ANO6: variants seen among roughly 807,000 people sequenced by gnomAD.
The protein encoded by ANO6 is anoctamin 6.
ANO6 carries 106 observed loss-of-function variants against 117.5 expected under a neutral mutation model. The ratio of observed to expected loss-of-function variants is 0.90; its 90% CI spans 0.77 to 1.06. The LOEUF is 1.06. Ranked by LOEUF, ANO6 falls within the 50% of genes least tolerant of loss-of-function variation. The pLI is 0.00. For synonymous variants in ANO6, 367 were observed against 385.1 expected (o/e 0.95, Z 0.55); for missense variants, 955 against 1,121.1 (o/e 0.85, Z 2.12).
At chr12:45,250,356 A>G (rs1014370873) in intron 1 of ANO6, among the ~76,000 whole-genome samples, 2 of 152,188 alleles carry the variant, frequency 1.3e-5, no homozygotes, top group Non-Finnish European at 2.9e-5. Flanking sequence ...AATGTTTAAG[A>G]TAAAGACAGA....
chr12:45,324,335 C>T (rs941878673), intron 2 of ANO6, among the ~76,000 whole-genome samples: 2 of 152,178 alleles, frequency 1.3e-5, no homozygotes, highest in African/African-American at 4.8e-5. Flanking sequence ...TTCTTGTAAA[C>T]TGCTTTTTGA....
chr12:45,389,790 C>G (rs574487426), intron 11 of ANO6, among the ~76,000 whole-genome samples: 14 of 152,210 alleles, frequency 9.2e-5, no homozygotes, highest in Non-Finnish European at 1.9e-4. Context: ...TCCTCATGAT[C>G]GCAGCTAAGG....
At chr12:45,306,213 A>G (rs1423660689) in intron 2 of ANO6, among the ~76,000 whole-genome samples, 1 of 152,142 alleles carries the variant, frequency 6.6e-6, no homozygotes, top group Non-Finnish European at 1.5e-5. Context: ...CTAGAACTCG[A>G]GGTTATATAT....
chr12:45,407,659 G>A (rs1473238436), intron 15 of ANO6, among the ~76,000 whole-genome samples: 1 of 152,026 alleles, frequency 6.6e-6, no homozygotes, highest in Non-Finnish European at 1.5e-5. Flanking sequence ...AAGAGTCTAC[G>A]TAATATAGGC....
chr12:45,260,818 T>C, intron 1 of ANO6, among the ~76,000 whole-genome samples: 1 of 152,116 alleles, frequency 6.6e-6, no homozygotes, highest in East Asian at 1.9e-4. Flanking sequence ...CGGGGTTTCT[T>C]GCTCTGTCAC....
intron 1 of ANO6, among the ~76,000 whole-genome samples, chr12:45,269,890 T>C (rs1938338593): frequency 1.3e-5 from 2 of 152,210 alleles, no homozygotes; most frequent in African/African-American, 4.8e-5. Flanking sequence ...AATAGGGAAC[T>C]GAAGTATTAA....
At chr12:45,361,641 A>T (rs980877221) in intron 8 of ANO6, among the ~76,000 whole-genome samples, 1 of 151,674 alleles carries the variant, frequency 6.6e-6, no homozygotes, top group African/African-American at 2.4e-5. Flanking sequence ...TTTCATTGAT[A>T]CTCTTTATCA....
intron 1 of ANO6, among the ~76,000 whole-genome samples, chr12:45,257,269 G>GGCAACATTATTACTATT (rs1379956333): frequency 6.6e-6 from 1 of 152,158 alleles, no homozygotes; most frequent in Non-Finnish European, 1.5e-5. Context: ...TGTTCCTAGA[G>GGCAACATTATTACTATT]CTTCAGAGCC....
intron 1 of ANO6, among the ~76,000 whole-genome samples, chr12:45,286,824 A>C (rs1041381253): frequency 6.6e-6 from 1 of 152,212 alleles, no homozygotes; most frequent in African/African-American, 2.4e-5. Context: ...CTGAGGGGTA[A>C]ATACTAGTCC....
chr12:45,296,596 A>C (rs1344362597), intron 1 of ANO6, among the ~76,000 whole-genome samples: 8 of 151,978 alleles, frequency 5.3e-5, no homozygotes, highest in African/African-American at 1.9e-4. Flanking sequence ...TTATTTGCTG[A>C]TTTTTAAAAT....
intron 1 of ANO6, among the ~76,000 whole-genome samples, chr12:45,268,439 G>A (rs1054931950): frequency 5.9e-5 from 9 of 152,198 alleles, no homozygotes; most frequent in African/African-American, 1.9e-4. Flanking sequence ...AGAATTGCTT[G>A]GACCTGGTAG....
chr12:45,216,414 C>A, intron 1 of ANO6, 23 bp downstream of exon 1: 1 of 1,606,284 alleles, frequency 6.2e-7, no homozygotes, highest in East Asian at 2.2e-5. Context: ...TCCCCGCGTC[C>A]CCACCCGAGA....
chr12:45,401,337 A>G (rs1201740257), intron 12 of ANO6, among the ~76,000 whole-genome samples: 1 of 152,222 alleles, frequency 6.6e-6, no homozygotes, highest in Non-Finnish European at 1.5e-5. Flanking sequence ...AGTGAGCAAA[A>G]AACATTAACT....
intron 2 of ANO6, among the ~76,000 whole-genome samples, chr12:45,304,585 C>T (rs1000612647): frequency 1.3e-5 from 2 of 152,154 alleles, no homozygotes; most frequent in South Asian, 2.1e-4. Flanking sequence ...CATGTTTACT[C>T]GGGCCTTATC....
chr12:45,242,205 T>TGTGC (rs1592859884), intron 1 of ANO6, among the ~76,000 whole-genome samples: 2 of 152,144 alleles, frequency 1.3e-5, no homozygotes, highest in South Asian at 2.1e-4. Context: ...GTAGGCTTTG[T>TGTGC]TGTGCTGTGC....
chr12:45,244,161 G>A (rs897868728), intron 1 of ANO6, among the ~76,000 whole-genome samples: 1 of 152,152 alleles, frequency 6.6e-6, no homozygotes, highest in Non-Finnish European at 1.5e-5. Context: ...TTCAGTTCAT[G>A]TTCTTGTGAT....
chr12:45,255,957 G>T (rs1382303592), intron 1 of ANO6, among the ~76,000 whole-genome samples: 1 of 151,774 alleles, frequency 6.6e-6, no homozygotes, highest in African/African-American at 2.4e-5. Flanking sequence ...GAGTAGCTGG[G>T]ATTACAGGCA....
At chr12:45,376,768 G>C (rs1379761794) in intron 9 of ANO6, among the ~76,000 whole-genome samples, 2 of 150,728 alleles carry the variant, frequency 1.3e-5, no homozygotes, top group Non-Finnish European at 3.0e-5. Flanking sequence ...TGAGTTAGTG[G>C]GTGCAGCGCA....
At chr12:45,238,673 G>T (rs897856935) in intron 1 of ANO6, among the ~76,000 whole-genome samples, 2 of 152,144 alleles carry the variant, frequency 1.3e-5, no homozygotes, top group Admixed American at 6.5e-5. Context: ...TATTGGCTGT[G>T]GGTTTGTCAT....
Sources: gnomAD v4.1 joint callset for allele counts (sites outside exome capture counted in the v4.1 genomes callset) on GRCh38, gnomAD v4.1.1 for gene constraint, MANE v1.5 for transcripts, NCBI Gene and HGNC (gene_info 2026-07-23, HGNC 2026-07-21) for gene names.